The following ALDH4A1 variants were observed in gnomAD, a reference collection of about 807,000 sequenced individuals.
ALDH4A1 encodes the protein aldehyde dehydrogenase 4 family member A1.
Under a neutral mutation model 70.5 loss-of-function variants are expected in ALDH4A1, and 46 were observed. The observed-to-expected ratio is 0.65, with a 90% CI of 0.51 to 0.83. The LOEUF (loss-of-function observed/expected upper bound fraction) is 0.83, where lower values mean the gene tolerates loss of function less well. Among genes scored for constraint, ALDH4A1 ranks in the 40% least tolerant of loss-of-function variants. The pLI, the probability that ALDH4A1 is intolerant of heterozygous loss-of-function variation, is 0.00. For synonymous variants in ALDH4A1, 323 were observed against 324.3 expected, an observed-to-expected ratio of 1.00 and a Z score of 0.04; for missense variants, 749 against 766.5, an observed-to-expected ratio of 0.98 and a Z score of 0.27.
Position 18,892,713 on chromosome 1 carries a change from T to G in ALDH4A1, c.63-2608A>C, listed in dbSNP as rs557960135. Among the ~76,000 whole-genome samples, 28 of 140,394 alleles carry G rather than the reference T, an allele frequency of 2.0e-4. No homozygotes were observed. The East Asian group carries it at 5.4e-3, about 27-fold the overall frequency. The allele number at this position is 140,394 out of a possible 152,430, so 92.1% of individuals were successfully genotyped here. A position where few individuals can be genotyped will look rare whatever the true frequency, so the allele number is the denominator to read the frequency against. ...CCACCCTGAGCCGGTAGCTCTGCACTCCCCACCCCCACTCTGCCTCCCACT... is the reference window on the plus strand; with the variant it reads ...CCACCCTGAGCCGGTAGCTCTGCACGCCCCACCCCCACTCTGCCTCCCACT... On this transcript the variant is annotated intron_variant, in intron 1 of 14. Coordinates refer to ENST00000375341, the MANE Select transcript of ALDH4A1 (RefSeq NM_003748.4).
In ALDH4A1 at chr1:18,887,333, C is replaced by T. The variant is rs143644152; in HGVS notation, c.250-822G>A. Among the ~76,000 whole-genome samples, 74 of 152,388 alleles carry T rather than the reference C, an allele frequency of 4.9e-4. 1 individual carries two copies. In the East Asian group the frequency reaches 7.3e-3, roughly 15 times the overall value. On this transcript the variant is annotated intron_variant, in intron 3 of 14. Coordinates refer to ENST00000375341, the MANE Select transcript of ALDH4A1 (RefSeq NM_003748.4). ...CTTCCCTGTTGGCCGGGCGCGGTGGCTCACACCTGTGATCCCAGCACTTTG... is the reference window on the plus strand; with the variant it reads ...CTTCCCTGTTGGCCGGGCGCGGTGGTTCACACCTGTGATCCCAGCACTTTG...
At position 18,881,806 on chromosome 1, in the gene ALDH4A1, G is replaced by A. The variant is rs1255536809; in HGVS notation, c.760C>T (p.Leu254=). Residue 254 remains leucine (L), a synonymous_variant, in exon 8 of 15, where the codon CTG becomes TTG. Coordinates refer to ENST00000375341, the MANE Select transcript of ALDH4A1 (RefSeq NM_003748.4). ...ACAAACTGGATGATGTTGGGGGGCA[G>A]GCCAGCCTCCCGAAGGATGCGGTAG... is the stretch of plus-strand genomic sequence containing the variant. The part of the protein sequence containing the change: ...AVYRILREAG[L]PPNIIQFVPA... 2 of 1,613,882 alleles carry A rather than the reference G, an allele frequency of 1.2e-6. No homozygotes were observed. Among genetic ancestry groups the A allele is most frequent in the Non-Finnish European group, 1.7e-6 (2 of 1,180,048 alleles).
intron 5 of ALDH4A1, chr1:18,885,143 C>T (rs1384677634): frequency 7.9e-6 from 3 of 379,496 alleles, no homozygotes; most frequent in Middle Eastern, 8.1e-4. Flanking sequence ...CTGAGGGCGG[C>T]GAGGGGCTGA....
chr1:18,887,047 T>C (rs1569769321), intron 3 of ALDH4A1, among the ~76,000 whole-genome samples: 1 of 152,238 alleles, frequency 6.6e-6, no homozygotes, highest in Non-Finnish European at 1.5e-5. Context: ...TGTGACATGC[T>C]TGGGACTTCC....
chr1:18,885,870 C>T (rs1158100588), intron 4 of ALDH4A1, among the ~76,000 whole-genome samples: 2 of 152,226 alleles, frequency 1.3e-5, no homozygotes, highest in Non-Finnish European at 2.9e-5. Context: ...GAGGCCTTGG[C>T]ACTGAGTCCC....
rs540905183 is a variant in ALDH4A1 at position 18,883,408 on chromosome 1, C to T, written c.474G>A (p.Ala158=). ...TGAGTTCCGCTGCAGCGTCAATCTC[C>T]GCTTGGATCACGGTCTTACCCTGCA... ...MVGQGKTVIQ[A]EIDAAAELID... Residue 158 remains alanine (A), a synonymous_variant, in exon 6 of 15, where the codon GCG becomes GCA. Coordinates refer to ENST00000375341, the MANE Select transcript of ALDH4A1 (RefSeq NM_003748.4). The T allele has an allele frequency of 2.4e-5, 39 of 1,613,314 alleles. No individual in the cohort carries two copies. Among genetic ancestry groups the T allele is most frequent in the Admixed American group, 8.3e-5 (5 of 60,008 alleles).
At chr1:18,897,348 G>T (rs1202954510) in intron 1 of ALDH4A1, among the ~76,000 whole-genome samples, 2 of 152,166 alleles carry the variant, frequency 1.3e-5, no homozygotes, top group Non-Finnish European at 2.9e-5. Context: ...TTCTAGACCA[G>T]CCTGGCCAAC....
chr1:18,884,600 C>T (rs1052387715), intron 5 of ALDH4A1, among the ~76,000 whole-genome samples: 2 of 152,192 alleles, frequency 1.3e-5, no homozygotes, highest in African/African-American at 4.8e-5. Flanking sequence ...GCTTGCTATG[C>T]CTCCTGAAAG....
chr1:18,882,805 C>A, intron 7 of ALDH4A1: 1 of 594,616 alleles, frequency 1.7e-6, no homozygotes. Flanking sequence ...GCCAGCCCTG[C>A]CTGCTGCTGG....
At chr1:18,883,752 A>G (rs1207681821) in intron 5 of ALDH4A1, among the ~76,000 whole-genome samples, 1 of 152,204 alleles carries the variant, frequency 6.6e-6, no homozygotes, top group African/African-American at 2.4e-5. Context: ...CAAAGGATCT[A>G]TGGTCAAGCC....
intron 3 of ALDH4A1, among the ~76,000 whole-genome samples, chr1:18,887,867 T>A (rs1219259317): frequency 6.6e-6 from 1 of 152,224 alleles, no homozygotes; most frequent in Non-Finnish European, 1.5e-5. Context: ...AGCTGCCCTC[T>A]CTCTGTGTGT....
intron 9 of ALDH4A1, 42 bp from the exon 10 acceptor site, chr1:18,877,654 TC>T (rs1234999242): frequency 3.7e-6 from 5 of 1,361,116 alleles, no homozygotes; most frequent in Admixed American, 1.7e-5. Context: ...AGGAGCTGGC[TC>T]CCCCGGTTGC....
At chr1:18,896,553 C>T (rs1443102330) in intron 1 of ALDH4A1, among the ~76,000 whole-genome samples, 1 of 152,188 alleles carries the variant, frequency 6.6e-6, no homozygotes, top group Non-Finnish European at 1.5e-5. Context: ...AAAGGCAACA[C>T]TAGGTGAGCA....
chr1:18,888,139 G>A (rs72651880), intron 3 of ALDH4A1, among the ~76,000 whole-genome samples: 25,190 of 152,256 alleles, frequency 0.17, 2,301 homozygotes, highest in Middle Eastern at 0.23. Flanking sequence ...CGCTGGAACG[G>A]ACAATGCAGA....
chr1:18,887,544 A>G (rs1369343500), intron 3 of ALDH4A1, among the ~76,000 whole-genome samples: 1 of 152,138 alleles, frequency 6.6e-6, no homozygotes, highest in Non-Finnish European at 1.5e-5. Context: ...GCTTGCAGTG[A>G]GCCGAGATCG....
rs138788183 is a variant in ALDH4A1, at chr1:18,883,121, C to T, written c.678+3G>A. 9,916 of 1,613,158 alleles carry T rather than the reference C, an allele frequency of 6.1e-3. 30 individuals carry two copies. The highest frequency in any genetic ancestry group is 7.3e-3 in the Non-Finnish European group (8,600 of 1,180,040). ...CGCTGTCCCACCTGTGCCCACATCT[C>T]ACCATCAGGGCCGGTGCCCCCGCCA... is the stretch of plus-strand genomic sequence containing the variant. On this transcript the variant is annotated splice_donor_region_variant and intron_variant, in intron 7 of 14. Coordinates refer to ENST00000375341, the MANE Select transcript of ALDH4A1 (RefSeq NM_003748.4).
At chr1:18,893,784 G>T (rs368512153) in intron 1 of ALDH4A1, among the ~76,000 whole-genome samples, 122 of 152,294 alleles carry the variant, frequency 8.0e-4, no homozygotes, top group African/African-American at 2.8e-3. Context: ...GATTACAGGC[G>T]TGAGCCACTG....
Position 18,890,088 on chromosome 1 carries a change from G to A in ALDH4A1, c.80C>T (p.Thr27Ile). ...WTGAGLRWKH[T>I]SSLKVANEPV... ...CTCGTTGGCCACCTTCAGGGAGGAG[G>A]TGTGCTTCCACCGCAGGCTGGAACA... Residue 27 changes from threonine to isoleucine, a missense_variant, in exon 2 of 15, where the codon ACC becomes ATC. Coordinates refer to ENST00000375341, the MANE Select transcript of ALDH4A1 (RefSeq NM_003748.4). The A allele has an allele frequency of 1.9e-6, 3 of 1,612,518 alleles. No homozygotes were observed. The highest frequency in any genetic ancestry group is 1.3e-5 in the African/African-American group (1 of 75,030).
At chr1:18,886,635 C>G (rs552580475) in intron 3 of ALDH4A1, 124 bp from the exon 4 acceptor site, 5 of 1,057,566 alleles carry the variant, frequency 4.7e-6, no homozygotes, top group East Asian at 5.0e-5. Flanking sequence ...CCCCCTCCCC[C>G]GCTCCCATGA....
Sources: allele counts gnomAD v4.1 joint callset (sites outside exome capture counted in the v4.1 genomes callset), GRCh38; gene constraint gnomAD v4.1.1; transcripts MANE v1.5; gene names NCBI Gene and HGNC (gene_info 2026-07-23, HGNC 2026-07-21).